Variants in EMC1 observed in about 807,000 individuals in gnomAD.
EMC1 encodes the protein KIAA0090.
A neutral mutation model predicts 128.8 loss-of-function variants in EMC1; 103 were observed. The ratio of observed to expected loss-of-function variants is 0.80; its 90% confidence interval spans 0.68 to 0.94. The LOEUF (loss-of-function observed/expected upper bound fraction) is 0.94, where lower values mean the gene tolerates loss of function less well. EMC1 is among the 40% of genes least tolerant of loss of function. The pLI, the probability that EMC1 is intolerant of heterozygous loss-of-function variation, is 0.00. For synonymous variants in EMC1, 442 were observed against 490.4 expected, an observed-to-expected ratio of 0.90 and a Z score of 1.30; for missense variants, 1,083 against 1,250.6, an observed-to-expected ratio of 0.87 and a Z score of 2.02.
chr1:19,240,851 T>TTA, intron 6 of EMC1, 165 bp downstream of exon 6: 1 of 763,130 alleles, frequency 1.3e-6, no homozygotes, highest in South Asian at 1.8e-5. Context: ...TATGAGTACT[T>TTA]TAAATAGAGG....
At position 19,244,920 on chromosome 1, in the gene EMC1, C is replaced by T. The variant is rs748743672; in HGVS notation, c.206G>A (p.Arg69Gln). 12 of 1,613,570 alleles carry T rather than the reference C, an allele frequency of 7.4e-6. No individual in the cohort carries two copies. Among genetic ancestry groups the T allele is most frequent in the Admixed American group, 3.3e-5 (2 of 59,960 alleles). ...EKNVIAALNS[R>Q]TGEILWRHVD... The stretch of plus-strand genomic sequence containing the variant: ...AGTTCACTCACAGATCTCCCCAGTT[C>T]GGGAATTTAATGCTGCAATCACATT... The change falls in exon 2 of 23, where the codon CGA (arginine) becomes CAA (glutamine). Residue 69 changes from arginine (R) to glutamine (Q), a missense_variant. By Grantham distance (43) the Arg-to-Gln change is conservative. This residue lies in a region of EMC1 where 544 missense variants were observed against 572.4 expected (regional missense o/e 0.95). Coordinates refer to ENST00000477853, the MANE Select transcript of EMC1 (RefSeq NM_015047.3).
At chr1:19,235,751 A>G (rs1026195336) in intron 12 of EMC1, among the ~76,000 whole-genome samples, 1 of 151,884 alleles carries the variant, frequency 6.6e-6, no homozygotes, top group African/African-American at 2.4e-5. Flanking sequence ...AAATTAGCCA[A>G]GCATGGTGGC....
At position 19,222,726 on chromosome 1, in the gene EMC1, G is replaced by A. The variant is rs762750656; in HGVS notation, c.2485C>T (p.Gln829Ter). 1 of 1,614,114 alleles carries A rather than the reference G, an allele frequency of 6.2e-7. No individual in the cohort carries two copies. The highest frequency in any genetic ancestry group is 1.7e-5 in the Admixed American group (1 of 60,022). ...ATAFSSLDRP[Q>*]LPQVLQQSYI... The stretch of plus-strand genomic sequence containing the variant: ...GACTGCTGGAGGACCTGGGGCAGCT[G>A]GGGGCGGTCCAGGGAGCTGAAGGCG... Residue 829 changes from glutamine (Q) to a stop codon, truncating the protein, a stop_gained, in exon 20 of 23, where the codon CAG becomes TAG. Transcript: ENST00000477853. LOFTEE classifies it high-confidence loss of function.
At chr1:19,221,635 CAA>C (rs34802728) in intron 20 of EMC1, 21 of 66,216 alleles carry the variant, frequency 3.2e-4, no homozygotes, top group Non-Finnish European at 1.5e-4. Flanking sequence ...GACTCTGTCT[CAA>C]AAAAAAAAAA....
chr1:19,240,801 A>G (rs2093601013), intron 6 of EMC1: 1 of 596,416 alleles, frequency 1.7e-6, no homozygotes, highest in Non-Finnish European at 3.0e-6. Context: ...GACTAGATCT[A>G]TGTAATTTTT....
chr1:19,240,168 C>T, intron 7 of EMC1, 129 bp downstream of exon 7: 1 of 1,293,506 alleles, frequency 7.7e-7, no homozygotes, highest in Non-Finnish European at 1.1e-6. Context: ...ACCAGTTCAG[C>T]CAGAGGCCTG....
In EMC1 at chr1:19,219,475, G is replaced by C; in HGVS notation, c.2810C>G (p.Ala937Gly). Residue 937 changes from alanine to glycine, a missense_variant, in exon 23 of 23, where the codon GCC (alanine) becomes GGC (glycine). Coordinates refer to ENST00000477853, the MANE Select transcript of EMC1 (RefSeq NM_015047.3). ...SGLESTCLVV[A>G]YGLDIYQTRV... ...AGTTTGGTAAATGTCCAAACCATAG[G>C]CCACAACCTGGAAGGCAGATGGAAT... is the stretch of plus-strand genomic sequence containing the variant. 1 of 1,613,908 alleles carries C rather than the reference G, an allele frequency of 6.2e-7. No individual in the cohort carries two copies. The highest frequency in any genetic ancestry group is 1.3e-5 in the African/African-American group (1 of 74,966).
At chr1:19,241,893 T>G (rs1372387175) in intron 5 of EMC1, among the ~76,000 whole-genome samples, 1 of 152,212 alleles carries the variant, frequency 6.6e-6, no homozygotes, top group East Asian at 1.9e-4. Flanking sequence ...TCCTTCTCTC[T>G]TGTTCCTTCC....
intron 13 of EMC1, chr1:19,234,071 C>T (rs942540818): frequency 2.4e-6 from 1 of 422,290 alleles, no homozygotes; most frequent in South Asian, 1.0e-4. Flanking sequence ...CACACACACA[C>T]ACCCCAAGGA....
At position 19,219,576 on chromosome 1, in the gene EMC1, G is replaced by A; in HGVS notation, c.2795C>T (p.Thr932Ile). ...GCTGTGGGCTCTACTCACCAAACAA[G>A]TGGACTCCAGACCCGAGGGAGCTGT... ...IYTAPSGLES[T>I]CLVVAYGLDI... The change falls in exon 22 of 23, where the codon ACT becomes ATT. Residue 932 changes from threonine (T) to isoleucine (I), a missense_variant. Around this residue, in one of 3 missense-constraint regions of EMC1, gnomAD observed 527 missense variants for 644.1 expected, o/e 0.82. Coordinates refer to ENST00000477853, the MANE Select transcript of EMC1 (RefSeq NM_015047.3). 1 of 1,614,082 alleles carries A rather than the reference G, an allele frequency of 6.2e-7. No individual in the cohort carries two copies. The highest frequency in any genetic ancestry group is 8.5e-7 in the Non-Finnish European group (1 of 1,180,008).
At chr1:19,242,652 C>T (rs747249239) in intron 4 of EMC1, among the ~76,000 whole-genome samples, 179 bp from the exon 5 acceptor site, 1 of 152,214 alleles carries the variant, frequency 6.6e-6, no homozygotes, top group Non-Finnish European at 1.5e-5. Context: ...TCTGCACTTG[C>T]AACCATTTGG....
At chr1:19,233,540 A>G (rs970218971) in intron 13 of EMC1, among the ~76,000 whole-genome samples, 1 of 152,214 alleles carries the variant, frequency 6.6e-6, no homozygotes, top group Non-Finnish European at 1.5e-5. Flanking sequence ...AGGTCAGTGA[A>G]TATGTATCAT....
intron 12 of EMC1, among the ~76,000 whole-genome samples, chr1:19,236,132 T>A (rs2093561689): frequency 6.6e-6 from 1 of 151,794 alleles, no homozygotes; most frequent in Non-Finnish European, 1.5e-5. Context: ...TCCCAGCACT[T>A]TGGGAGGCCA....
chr1:19,222,778 A>G lies in EMC1; in HGVS notation c.2433T>C (p.Tyr811=), dbSNP rs375802417. The change falls in exon 20 of 23, where the codon TAT becomes TAC. Residue 811 remains tyrosine (Y), a synonymous_variant. Coordinates refer to ENST00000477853, the MANE Select transcript of EMC1 (RefSeq NM_015047.3). ...TGGCGTTGTATTGCTCAGTGCCCTC[A>G]TAGAGCTCCAGTACGGTAAACTCGT... is the stretch of plus-strand genomic sequence containing the variant. ...RRNEFTVLEL[Y]EGTEQYNATA... is the part of the protein sequence containing the mutation. 46 of 1,614,026 alleles carry G rather than the reference A, an allele frequency of 2.9e-5. No homozygotes were observed. The African/African-American group carries it at 4.8e-4, about 17-fold the overall frequency.
At chr1:19,221,045 G>C in intron 20 of EMC1, 197 bp from the exon 21 acceptor site, 1 of 411,264 alleles carries the variant, frequency 2.4e-6, no homozygotes, top group East Asian at 3.8e-5. Context: ...GAAGACACTG[G>C]TTTCTTAACT....
chr1:19,226,634 A>T (rs1327164367), intron 18 of EMC1, among the ~76,000 whole-genome samples: 1 of 151,980 alleles, frequency 6.6e-6, no homozygotes, highest in Non-Finnish European at 1.5e-5. Flanking sequence ...AGCTCACTGT[A>T]GCCTCAACCT....
chr1:19,232,552 G>T, intron 15 of EMC1, 72 bp downstream of exon 15: 4 of 1,553,444 alleles, frequency 2.6e-6, no homozygotes, highest in Non-Finnish European at 2.7e-6. Context: ...CAAGGGCCTA[G>T]GAGCAATTTA....
rs1245462656 is a variant in EMC1, at chr1:19,241,012, G to C, written c.636+4C>G. 2.5e-6 allele frequency: 4 copies of C among 1,613,990 alleles called. No individual in the cohort carries two copies. The Admixed American group carries it at 6.7e-5, about 27-fold the overall frequency. On this transcript the variant is annotated splice_donor_region_variant and intron_variant, in intron 6 of 22. Coordinates refer to ENST00000477853, the MANE Select transcript of EMC1 (RefSeq NM_015047.3). ...ATTCACAGGCTCCTGTCACCCTCCT[G>C]TACCTGCTGAACAATCTCTCCATCT... is the stretch of plus-strand genomic sequence containing the variant.
chr1:19,235,409 A>T (rs1231277039), intron 12 of EMC1, among the ~76,000 whole-genome samples, 157 bp from the exon 13 acceptor site: 2 of 152,262 alleles, frequency 1.3e-5, no homozygotes, highest in Admixed American at 1.3e-4. Context: ...CTCAACAAAA[A>T]ATAAATATCA....
Sources: allele counts gnomAD v4.1 joint callset (sites outside exome capture counted in the v4.1 genomes callset), GRCh38; gene constraint gnomAD v4.1.1; regional missense constraint gnomAD v4.1.1; transcripts MANE v1.5; gene names NCBI Gene and HGNC (gene_info 2026-07-23, HGNC 2026-07-21).